The following CAMK2D variants were observed in gnomAD, a reference collection of about 807,000 sequenced individuals.
CAMK2D encodes the protein calcium/calmodulin-dependent protein kinase type II subunit delta.
Under a neutral mutation model 84.0 loss-of-function variants are expected in CAMK2D, and 37 were observed. The ratio of observed to expected loss-of-function variants is 0.44; its 90% CI spans 0.34 to 0.58. The LOEUF is 0.58. Ranked by LOEUF, CAMK2D falls within the 20% of genes least tolerant of loss-of-function variation. CAMK2D has a pLI of 0.02. For synonymous variants in CAMK2D, 202 were observed against 212.5 expected, an observed-to-expected ratio of 0.95 and a Z score of 0.43; for missense variants, 448 against 652.5, an observed-to-expected ratio of 0.69 and a Z score of 3.41.
intron 3 of CAMK2D, among the ~76,000 whole-genome samples, chr4:113,618,397 TC>T (rs1228200202): frequency 6.6e-6 from 1 of 152,156 alleles, no homozygotes; most frequent in East Asian, 1.9e-4. Flanking sequence ...TAGATCATCT[TC>T]TCTTTGTAAC....
intron 17 of CAMK2D, among the ~76,000 whole-genome samples, chr4:113,465,034 TTTTTC>T (rs377076086): frequency 6.6e-6 from 1 of 152,120 alleles, no homozygotes; most frequent in African/African-American, 2.4e-5. Context: ...TGTGAAATCT[TTTTTC>T]TTTTCTTTTT....
chr4:113,673,467 G>A (rs1401445381), intron 2 of CAMK2D, among the ~76,000 whole-genome samples: 1 of 152,194 alleles, frequency 6.6e-6, no homozygotes, highest in Non-Finnish European at 1.5e-5. Flanking sequence ...CAAAAGTGGG[G>A]TGTAAAGCCA....
chr4:113,733,766 A>T (rs112389088), intron 2 of CAMK2D, among the ~76,000 whole-genome samples: 2 of 152,196 alleles, frequency 1.3e-5, no homozygotes, highest in African/African-American at 4.8e-5. Context: ...TAAACTGTGA[A>T]ATTACATAAA....
chr4:113,537,471 CTG>C (rs756151636), intron 6 of CAMK2D, 28 bp from the exon 7 acceptor site: 1 of 1,342,406 alleles, frequency 7.4e-7, no homozygotes, highest in South Asian at 1.2e-5. Flanking sequence ...AAAAAAGAGA[CTG>C]AAGTGAGAAC....
intron 12 of CAMK2D, 66 bp from the exon 13 acceptor site, chr4:113,509,741 C>A (rs548524342): frequency 8.5e-7 from 1 of 1,175,290 alleles, no homozygotes; most frequent in East Asian, 2.3e-5. Flanking sequence ...GACAACAAAG[C>A]AGTCAGGTTA....
At position 113,757,165 on chromosome 4, in the gene CAMK2D, C is replaced by T. The variant is rs187768248; in HGVS notation, c.160+2155G>A. On this transcript the variant is annotated intron_variant, in intron 2 of 20. Transcript: ENST00000511664. Reference sequence around the variant, plus strand: ...CTAAGTAGTAGAGCAAAGATTCAAACGTAGTTCTCACAGCTAAATCAAGGC... The same window carrying T: ...CTAAGTAGTAGAGCAAAGATTCAAATGTAGTTCTCACAGCTAAATCAAGGC... 2.2e-4 allele frequency among the ~76,000 whole-genome samples: 34 copies of T among 152,198 alleles called. 1 individual carries two copies. In the East Asian group the frequency reaches 6.0e-3, roughly 27 times the overall value.
intron 3 of CAMK2D, among the ~76,000 whole-genome samples, chr4:113,638,325 T>C (rs1477591002): frequency 6.6e-6 from 1 of 151,792 alleles, no homozygotes; most frequent in African/African-American, 2.4e-5. Flanking sequence ...AGAGAGAAAA[T>C]TTGAGAGTGG....
intron 2 of CAMK2D, among the ~76,000 whole-genome samples, chr4:113,710,109 A>T (rs1486072157): frequency 6.6e-6 from 1 of 152,040 alleles, no homozygotes; most frequent in Non-Finnish European, 1.5e-5. Flanking sequence ...CAGGATATTT[A>T]AAAACTAGGG....
At chr4:113,585,333 AT>A (rs892357544) in intron 4 of CAMK2D, among the ~76,000 whole-genome samples, 8 of 152,036 alleles carry the variant, frequency 5.3e-5, no homozygotes, top group South Asian at 2.1e-4. Flanking sequence ...CTCTAAAGTG[AT>A]TTTTTTCCCT....
chr4:113,567,841 C>T (rs2098733114), intron 4 of CAMK2D, among the ~76,000 whole-genome samples: 1 of 152,168 alleles, frequency 6.6e-6, no homozygotes, highest in African/African-American at 2.4e-5. Context: ...GTGTCAGGTA[C>T]ACACTAGGTA....
chr4:113,604,372 T>C lies in CAMK2D; in HGVS notation c.275+4780A>G, dbSNP rs181721073. ...GTAATTTTGAGAAATTAGACACTTATATCTGTTATGCTCTCTTTTCAGTCA... is the reference window on the plus strand; with the variant it reads ...GTAATTTTGAGAAATTAGACACTTACATCTGTTATGCTCTCTTTTCAGTCA... On this transcript the variant is annotated intron_variant, in intron 4 of 20. Coordinates refer to ENST00000511664, the MANE Select transcript of CAMK2D (RefSeq NM_001321571.2). 5.3e-3 allele frequency among the ~76,000 whole-genome samples: 813 copies of C among 152,348 alleles called. 9 individuals carry two copies. Among genetic ancestry groups the C allele is most frequent in the African/African-American group, 0.019 (783 of 41,580 alleles).
chr4:113,551,860 C>G (rs2098631815), intron 5 of CAMK2D, among the ~76,000 whole-genome samples, 171 bp downstream of exon 5: 1 of 152,100 alleles, frequency 6.6e-6, no homozygotes, highest in Admixed American at 6.6e-5. Flanking sequence ...AATCTAACTA[C>G]AGATGCTAGA....
rs1475593517 is a variant in CAMK2D at position 113,741,603 on chromosome 4, A to C, written c.160+17717T>G. Among the ~76,000 whole-genome samples, 3 of 152,240 alleles carry C rather than the reference A, an allele frequency of 2.0e-5. No individual in the cohort carries two copies. In the East Asian group the frequency reaches 5.8e-4, roughly 29 times the overall value. ...GGGAGACTACTATAGTCTTGCTTTC[A>C]CTCACACTTCCTTACAATGTATTCT... On this transcript the variant is annotated intron_variant, in intron 2 of 20. Transcript: ENST00000511664.
intron 2 of CAMK2D, among the ~76,000 whole-genome samples, chr4:113,743,645 T>A (rs1412848398): frequency 6.6e-6 from 1 of 152,170 alleles, no homozygotes; most frequent in Non-Finnish European, 1.5e-5. Context: ...TATCTCTTAT[T>A]CTCACTCATG....
In CAMK2D at chr4:113,482,609, A is replaced by G. The variant is rs1179069504; in HGVS notation, c.1136-17005T>C. Among the ~76,000 whole-genome samples the G allele has an allele frequency of 2.0e-5, 3 of 152,370 alleles. No individual in the cohort carries two copies. In the East Asian group the frequency reaches 5.8e-4, roughly 29 times the overall value. ...AAATGTTCTTTGGAGGTGACATTTAAAAATATAACTTAATCTATAACTTAT... is the reference window on the plus strand; with the variant it reads ...AAATGTTCTTTGGAGGTGACATTTAGAAATATAACTTAATCTATAACTTAT... On this transcript the variant is annotated intron_variant, in intron 16 of 20. Coordinates refer to ENST00000511664, the MANE Select transcript of CAMK2D (RefSeq NM_001321571.2).
At chr4:113,476,933 C>T (rs1385087736) in intron 16 of CAMK2D, among the ~76,000 whole-genome samples, 1 of 152,116 alleles carries the variant, frequency 6.6e-6, no homozygotes, top group African/African-American at 2.4e-5. Flanking sequence ...TTCTGACACA[C>T]CTATGATTTC....
intron 17 of CAMK2D, among the ~76,000 whole-genome samples, chr4:113,462,943 AAGC>A (rs1258640366): frequency 1.3e-5 from 2 of 152,226 alleles, no homozygotes; most frequent in African/African-American, 4.8e-5. Flanking sequence ...AATTTTTAAA[AAGC>A]AGGTTCTATG....
At position 113,585,554 on chromosome 4, in the gene CAMK2D, CAGAA is replaced by C. The variant is rs374298754; in HGVS notation, c.275+23594_275+23597del. 3.5e-3 allele frequency among the ~76,000 whole-genome samples: 534 copies of C among 152,182 alleles called. 3 individuals are homozygous for C. The highest frequency in any genetic ancestry group is 0.012 in the African/African-American group (499 of 41,536). On this transcript the variant is annotated intron_variant, in intron 4 of 20. Transcript: ENST00000511664. The stretch of plus-strand genomic sequence containing the variant: ...CTTTATCCTTTTTAACCTTTTGAAT[CAGAA>C]AGGCATATGGTCAGAGGAAAACTCA...
At chr4:113,723,129 T>G (rs924877286) in intron 2 of CAMK2D, among the ~76,000 whole-genome samples, 15 of 152,016 alleles carry the variant, frequency 9.9e-5, no homozygotes, top group African/African-American at 3.1e-4. Context: ...TTCAAAAAAA[T>G]TACAATTGCT....
Sources: allele counts gnomAD v4.1 joint callset (sites outside exome capture counted in the v4.1 genomes callset), GRCh38; gene constraint gnomAD v4.1.1; transcripts MANE v1.5; gene names NCBI Gene and HGNC (gene_info 2026-07-23, HGNC 2026-07-21).